Variants in ARHGEF4 observed in about 807,000 individuals in gnomAD.
ARHGEF4 encodes APC-stimulated guanine nucleotide exchange factor 1.
Under a neutral mutation model 162.0 loss-of-function variants are expected in ARHGEF4, and 119 were observed. The observed-to-expected ratio is 0.73, with a 90% confidence interval of 0.63 to 0.86. The LOEUF (loss-of-function observed/expected upper bound fraction) is 0.86. ARHGEF4 is among the 40% of genes least tolerant of loss of function. The pLI is 0.00. For synonymous variants in ARHGEF4, 1,014 were observed against 979.9 expected, an observed-to-expected ratio of 1.03 and a Z score of -0.65; for missense variants, 2,488 against 2,456.0, an observed-to-expected ratio of 1.01 and a Z score of -0.28.
At position 130,966,671 on chromosome 2, in the gene ARHGEF4, C is replaced by T. The variant is rs532515833; in HGVS notation, c.3985+20036C>T. 2.6e-4 allele frequency among the ~76,000 whole-genome samples: 39 copies of T among 152,286 alleles called. No individual in the cohort carries two copies. The East Asian group carries it at 6.4e-3, about 25-fold the overall frequency. On this transcript the variant is annotated intron_variant, in intron 4 of 13. Coordinates refer to ENST00000409359, the MANE Select transcript of ARHGEF4 (RefSeq NM_001367493.1). Reference sequence around the variant, plus strand: ...GTGCCAGCGAGGACGGGCAGCATGCCGGTCCGGTGGTGCGTTGGAATAGTC... The same window carrying T: ...GTGCCAGCGAGGACGGGCAGCATGCTGGTCCGGTGGTGCGTTGGAATAGTC...
Position 130,988,930 on chromosome 2 carries a change from A to G in ARHGEF4, c.3986-39015A>G, listed in dbSNP as rs192242983. 3.4e-3 allele frequency among the ~76,000 whole-genome samples: 514 copies of G among 149,586 alleles called. 2 individuals are homozygous for G. Among genetic ancestry groups the G allele is most frequent in the Non-Finnish European group, 5.6e-3 (378 of 67,532 alleles). ...GAGAGAGAGAGAGAGAGAGAGAGAG[A>G]GAGAGAAAGATTCCAAAAATATAAT... On this transcript the variant is annotated intron_variant, in intron 4 of 13. Coordinates refer to ENST00000409359, the MANE Select transcript of ARHGEF4 (RefSeq NM_001367493.1).
intron 3 of ARHGEF4, among the ~76,000 whole-genome samples, chr2:130,941,210 A>AT (rs70994724): frequency 0.6 from 86,609 of 145,188 alleles, 28,713 homozygotes; most frequent in East Asian, 0.84. Flanking sequence ...TCCATTTATA[A>AT]TTTTTTTTTT....
chr2:130,837,518 C>A, intron 1 of ARHGEF4: 1 of 409,958 alleles, frequency 2.4e-6, no homozygotes, highest in South Asian at 1.7e-5. Flanking sequence ...GGGGTCGGGG[C>A]TGTTGGGCTC....
In ARHGEF4 at chr2:130,915,139, C is replaced by A; in HGVS notation, c.1193C>A (p.Pro398His). The change falls in exon 2 of 14, where the codon CCC becomes CAC. Residue 398 changes from proline to histidine, a missense_variant. Around this residue, in one of 6 missense-constraint regions of ARHGEF4, gnomAD observed 1,642 missense variants for 1,481.5 expected, o/e 1.11. Transcript: ENST00000409359. ...GPIPAFQSGA[P>H]HLQGPCKPGG... ...ATTCCTGCTTTTCAGAGTGGGGCTC[C>A]CCATCTGCAGGGTCCCTGCAAGCCT... 6.4e-7 allele frequency: 1 copy of A among 1,550,684 alleles called. No homozygotes were observed. Among genetic ancestry groups the A allele is most frequent in the Non-Finnish European group, 8.7e-7 (1 of 1,147,024 alleles).
chr2:131,001,322 A>AAC (rs1687750466), intron 4 of ARHGEF4, among the ~76,000 whole-genome samples: 1 of 151,040 alleles, frequency 6.6e-6, no homozygotes, highest in African/African-American at 2.4e-5. Context: ...AAAAAAAAAA[A>AAC]AAAAAACAGA....
chr2:130,918,491 C>T lies in ARHGEF4; in HGVS notation c.3552+993C>T, dbSNP rs565118406. Among the ~76,000 whole-genome samples, 8 of 152,362 alleles carry T rather than the reference C, an allele frequency of 5.3e-5. No homozygotes were observed. The South Asian group carries it at 1.7e-3, about 32-fold the overall frequency. On this transcript the variant is annotated intron_variant, in intron 2 of 13. Coordinates refer to ENST00000409359, the MANE Select transcript of ARHGEF4 (RefSeq NM_001367493.1). ...TTCTTTAGACCAAGCGATGCCGAGT[C>T]TTCCGCGCGCCCAGAGCCGGGGAGC...
At chr2:130,904,303 G>A (rs1680682623) in intron 1 of ARHGEF4, among the ~76,000 whole-genome samples, 1 of 152,094 alleles carries the variant, frequency 6.6e-6, no homozygotes, top group Non-Finnish European at 1.5e-5. Flanking sequence ...TTGATATGAG[G>A]AGTAATTTTT....
At chr2:130,984,916 G>A (rs1353122782) in intron 4 of ARHGEF4, among the ~76,000 whole-genome samples, 1 of 151,930 alleles carries the variant, frequency 6.6e-6, no homozygotes. Context: ...TGATCCTGCT[G>A]TCTGGTACCT....
At position 130,931,108 on chromosome 2, in the gene ARHGEF4, G is replaced by C; in HGVS notation, c.3709G>C (p.Ala1237Pro). 1.9e-6 allele frequency: 3 copies of C among 1,614,164 alleles called. No individual in the cohort carries two copies. Among genetic ancestry groups the C allele is most frequent in the Non-Finnish European group, 2.5e-6 (3 of 1,180,030 alleles). ...CTCTGCAGAGACTGTGCGTGGGGAG[G>C]CTCCTTCACAGCCTAGGGGCATCCC... Reference protein sequence around the residue: ...CISAETVRGEAPSQPRGIPHR... With the variant: ...CISAETVRGEPPSQPRGIPHR... Residue 1237 changes from alanine to proline, a missense_variant, in exon 3 of 14, where the codon GCT (alanine) becomes CCT (proline). Physicochemically the swap from Ala to Pro is conservative, Grantham distance 27. Around this residue, in one of 6 missense-constraint regions of ARHGEF4, gnomAD observed 1,642 missense variants for 1,481.5 expected, o/e 1.11. Transcript: ENST00000409359.
chr2:131,041,785 C>G lies in ARHGEF4; in HGVS notation c.4896-30C>G, dbSNP rs796532077. The stretch of plus-strand genomic sequence containing the variant: ...TCACCCTTTCTCTGTCTCCAGCCTG[C>G]AGCAGCCTTCCATCTCTGTTCTGCC... On this transcript the variant is annotated intron_variant, in intron 9 of 13. Coordinates refer to ENST00000409359, the MANE Select transcript of ARHGEF4 (RefSeq NM_001367493.1). 11 of 1,606,520 alleles carry G rather than the reference C, an allele frequency of 6.8e-6. No homozygotes were observed. The African/African-American group carries it at 1.3e-4, about 20-fold the overall frequency.
chr2:131,031,135 T>C (rs979229694), intron 5 of ARHGEF4, among the ~76,000 whole-genome samples: 2 of 152,224 alleles, frequency 1.3e-5, no homozygotes, highest in East Asian at 3.8e-4. Flanking sequence ...TTTTGAGCTC[T>C]CAGTTCCTTG....
At chr2:130,930,917 C>A in intron 2 of ARHGEF4, 35 bp from the exon 3 acceptor site, 1 of 1,568,984 alleles carries the variant, frequency 6.4e-7, no homozygotes, top group Non-Finnish European at 8.7e-7. Flanking sequence ...TGTCCTTTGA[C>A]CTCTGACCCC....
chr2:130,998,576 G>T (rs947202029), intron 4 of ARHGEF4, among the ~76,000 whole-genome samples: 16 of 152,180 alleles, frequency 1.1e-4, no homozygotes, highest in African/African-American at 3.9e-4. Flanking sequence ...AGCGTTTTCA[G>T]ATGGGCTTCT....
intron 1 of ARHGEF4, among the ~76,000 whole-genome samples, chr2:130,886,505 C>A (rs1186745389): frequency 1.3e-5 from 2 of 151,528 alleles, no homozygotes; most frequent in African/African-American, 4.9e-5. Context: ...TGGTGAAACC[C>A]CTTCTCTACT....
intron 1 of ARHGEF4, among the ~76,000 whole-genome samples, chr2:130,884,309 C>G (rs1230996984): frequency 6.6e-6 from 1 of 152,046 alleles, no homozygotes; most frequent in East Asian, 1.9e-4. Context: ...CGTGCACACA[C>G]ACACACACAC....
chr2:130,925,444 C>A lies in ARHGEF4; in HGVS notation c.3553-5508C>A, dbSNP rs778073991. On this transcript the variant is annotated intron_variant, in intron 2 of 13. Coordinates refer to ENST00000409359, the MANE Select transcript of ARHGEF4 (RefSeq NM_001367493.1). ...AAAGCAAAAAAAGAAAAACTTCGAC[C>A]TAAATCTCACAGTTTATTTAAAAAT... Among the ~76,000 whole-genome samples the A allele has an allele frequency of 2.7e-4, 41 of 152,164 alleles. 1 individual carries two copies. The highest frequency in any genetic ancestry group is 1.3e-4 in the Admixed American group (2 of 15,276).
chr2:131,046,112 C>T lies in ARHGEF4; in HGVS notation c.5554C>T (p.Leu1852=), dbSNP rs965772663. The T allele has an allele frequency of 1.2e-6, 2 of 1,612,912 alleles. No individual in the cohort carries two copies. Among genetic ancestry groups the T allele is most frequent in the African/African-American group, 1.3e-5 (1 of 74,946 alleles). The change falls in exon 14 of 14, where the codon CTG becomes TTG. Residue 1852 remains leucine (L), a synonymous_variant. Coordinates refer to ENST00000409359, the MANE Select transcript of ARHGEF4 (RefSeq NM_001367493.1). The part of the protein sequence containing the change: ...LPSNRPQQQV[L]VLAEPRRKPS... ...CAGCAACCGGCCCCAGCAGCAGGTC[C>T]TGGTGCTGGCGGAGCCCAGGCGCAA...
At chr2:130,843,953 C>T (rs1680774946) in intron 1 of ARHGEF4, among the ~76,000 whole-genome samples, 1 of 152,188 alleles carries the variant, frequency 6.6e-6, no homozygotes, top group Non-Finnish European at 1.5e-5. Flanking sequence ...CAGGTATGGG[C>T]TGGGCACAGC....
At chr2:130,940,831 CAAAAAAA>C (rs1196586339) in intron 3 of ARHGEF4, among the ~76,000 whole-genome samples, 1 of 43,408 alleles carries the variant, frequency 2.3e-5, no homozygotes, top group Non-Finnish European at 4.7e-5. Flanking sequence ...GACTCCGTCT[CAAAAAAA>C]AAAAAAAAAA....
Sources: gnomAD v4.1 joint callset for allele counts (sites outside exome capture counted in the v4.1 genomes callset) on GRCh38, gnomAD v4.1.1 for gene constraint, gnomAD v4.1.1 regional missense constraint, MANE v1.5 for transcripts, NCBI Gene and HGNC (gene_info 2026-07-23, HGNC 2026-07-21) for gene names.